The following LY86 variants were observed in gnomAD, a reference collection of about 807,000 sequenced individuals.
LY86 encodes the protein lymphocyte antigen 86.
Under a neutral mutation model 17.3 loss-of-function variants are expected in LY86, and 20 were observed. The ratio of observed to expected loss-of-function variants is 1.15; its 90% CI spans 0.81 to 1.68. LY86 has a LOEUF of 1.68. LY86 is among the 40% of genes most tolerant of loss of function. The pLI is 0.00. For missense variants in LY86, 200 were observed against 191.9 expected (o/e 1.04, Z -0.25); for synonymous variants, 74 against 70.6 (o/e 1.05, Z -0.24).
intron 3 of LY86, among the ~76,000 whole-genome samples, chr6:6,630,853 C>G (rs1761887436): frequency 6.6e-6 from 1 of 152,118 alleles, no homozygotes; most frequent in South Asian, 2.1e-4. Context: ...AGTACAGACT[C>G]AGTTTCAAAG....
chr6:6,640,793 T>G (rs886615119), intron 3 of LY86, among the ~76,000 whole-genome samples: 1 of 151,796 alleles, frequency 6.6e-6, no homozygotes, highest in African/African-American at 2.4e-5. Context: ...TGCAGAGGCC[T>G]AAGGAGAGGA....
chr6:6,605,927 C>A (rs186812936), intron 1 of LY86, among the ~76,000 whole-genome samples: 22 of 152,272 alleles, frequency 1.4e-4, no homozygotes, highest in African/African-American at 1.2e-4. Context: ...AGCTGCAGAC[C>A]TTCACAGTAT....
intron 1 of LY86, among the ~76,000 whole-genome samples, chr6:6,616,904 T>C (rs149932429): frequency 1.3e-5 from 2 of 152,208 alleles, no homozygotes; most frequent in Non-Finnish European, 2.9e-5. Context: ...AGACATGAAA[T>C]ACAACAGGTG....
At chr6:6,632,838 A>G (rs1243328143) in intron 3 of LY86, among the ~76,000 whole-genome samples, 1 of 152,172 alleles carries the variant, frequency 6.6e-6, no homozygotes, top group African/African-American at 2.4e-5. Context: ...TCAAAGTGTG[A>G]TCTGTCACCC....
At chr6:6,603,598 A>AAC (rs1561777950) in intron 1 of LY86, among the ~76,000 whole-genome samples, 6 of 56,664 alleles carry the variant, frequency 1.1e-4, no homozygotes, top group Admixed American at 2.3e-4. Flanking sequence ...AAACAAAAAC[A>AAC]GAAACAGAAA....
intron 1 of LY86, among the ~76,000 whole-genome samples, chr6:6,606,431 C>T (rs1364827058): frequency 5.9e-5 from 9 of 152,236 alleles, no homozygotes; most frequent in South Asian, 4.1e-4. Flanking sequence ...TGCACCTGGG[C>T]GGCAGGTGGA....
chr6:6,644,625 G>A (rs55997279), intron 3 of LY86, among the ~76,000 whole-genome samples: 47,083 of 151,518 alleles, frequency 0.31, 7,797 homozygotes, highest in African/African-American at 0.41. Context: ...AAGACACTCA[G>A]TGACAATCAC....
intron 3 of LY86, among the ~76,000 whole-genome samples, chr6:6,645,081 A>G (rs534578653): frequency 1.3e-4 from 20 of 152,336 alleles, no homozygotes; most frequent in African/African-American, 4.8e-4. Flanking sequence ...GGAGCATTAA[A>G]TAAGCATAAC....
At chr6:6,599,482 G>C (rs1317570538) in intron 1 of LY86, among the ~76,000 whole-genome samples, 1 of 152,240 alleles carries the variant, frequency 6.6e-6, no homozygotes, top group Non-Finnish European at 1.5e-5. Flanking sequence ...AGTGTGGGGT[G>C]AGACACTGGA....
chr6:6,605,624 C>G (rs1238060261), intron 1 of LY86, among the ~76,000 whole-genome samples: 1 of 152,268 alleles, frequency 6.6e-6, no homozygotes, highest in Non-Finnish European at 1.5e-5. Flanking sequence ...ATCTCAGAAG[C>G]AACATTCCAA....
chr6:6,592,656 A>G (rs1220145529), intron 1 of LY86, among the ~76,000 whole-genome samples: 2 of 152,196 alleles, frequency 1.3e-5, no homozygotes, highest in African/African-American at 2.4e-5. Flanking sequence ...ATGAGAATGG[A>G]GACTTCATAA....
At chr6:6,652,055 C>CAAAAAAAA (rs61606490) in intron 4 of LY86, among the ~76,000 whole-genome samples, 2 of 59,286 alleles carry the variant, frequency 3.4e-5, no homozygotes, top group Non-Finnish European at 6.2e-5. Flanking sequence ...GACTCCATCT[C>CAAAAAAAA]AAAAAAAAAA....
intron 3 of LY86, among the ~76,000 whole-genome samples, chr6:6,626,857 C>A (rs1761798301): frequency 6.6e-6 from 1 of 152,124 alleles, no homozygotes; most frequent in Admixed American, 6.5e-5. Flanking sequence ...TGATATGTCA[C>A]CACCTTTCCC....
chr6:6,644,146 A>G (rs1192049791), intron 3 of LY86, among the ~76,000 whole-genome samples: 2 of 152,246 alleles, frequency 1.3e-5, no homozygotes, highest in African/African-American at 2.4e-5. Flanking sequence ...GGGCTAGGAA[A>G]TGGGGAGAGG....
chr6:6,639,796 G>A lies in LY86; in HGVS notation c.353-9829G>A, dbSNP rs534154914. Among the ~76,000 whole-genome samples, 3 of 152,246 alleles carry A rather than the reference G, an allele frequency of 2.0e-5. No homozygotes were observed. In the South Asian group the frequency reaches 6.2e-4, roughly 32 times the overall value. The stretch of plus-strand genomic sequence containing the variant: ...AGGTAACATATTCACAGTTTCTGGG[G>A]ATTATGATTTGGACCACTTTTGGGG... On this transcript the variant is annotated intron_variant, in intron 3 of 4. Coordinates refer to ENST00000230568, the MANE Select transcript of LY86 (RefSeq NM_004271.4).
At chr6:6,634,863 T>C (rs1307304558) in intron 3 of LY86, among the ~76,000 whole-genome samples, 2 of 152,194 alleles carry the variant, frequency 1.3e-5, no homozygotes, top group African/African-American at 4.8e-5. Flanking sequence ...GGGAATGCAA[T>C]CTGTTTACTG....
intron 1 of LY86, among the ~76,000 whole-genome samples, chr6:6,605,209 T>A (rs1289699972): frequency 6.6e-6 from 1 of 152,158 alleles, no homozygotes; most frequent in African/African-American, 2.4e-5. Context: ...TGTGTTAGAT[T>A]TCTATTTCTG....
intron 1 of LY86, 56 bp downstream of exon 1, chr6:6,588,926 G>A: frequency 1.3e-6 from 2 of 1,586,190 alleles, no homozygotes; most frequent in Non-Finnish European, 1.7e-6. Flanking sequence ...GCCCACAGAT[G>A]TGAGCCGCTA....
chr6:6,613,515 G>A (rs1350160962), intron 1 of LY86, among the ~76,000 whole-genome samples: 1 of 152,196 alleles, frequency 6.6e-6, no homozygotes, highest in Non-Finnish European at 1.5e-5. Context: ...ACTGCCCGGG[G>A]CTTGCTGTCA....
Sources: gnomAD v4.1 joint callset for allele counts (sites outside exome capture counted in the v4.1 genomes callset) on GRCh38, gnomAD v4.1.1 for gene constraint, MANE v1.5 for transcripts, NCBI Gene and HGNC (gene_info 2026-07-23, HGNC 2026-07-21) for gene names.